Variants in CCSER1 observed in about 807,000 individuals in gnomAD.
CCSER1 encodes coiled-coil serine rich protein 1, also known as serine-rich coiled-coil domain-containing protein 1.
In CCSER1, 41 loss-of-function variants were observed where a neutral mutation model predicts 82.0. The observed-to-expected ratio is 0.50, with a 90% CI of 0.39 to 0.65. The LOEUF (loss-of-function observed/expected upper bound fraction) is 0.65. Among genes scored for constraint, CCSER1 ranks in the 30% least tolerant of loss-of-function variants. CCSER1 has a pLI of 0.00. For missense variants in CCSER1, 1,119 were observed against 1,064.2 expected, an observed-to-expected ratio of 1.05 and a Z score of -0.72; for synonymous variants, 414 against 383.9, an observed-to-expected ratio of 1.08 and a Z score of -0.92.
intron 10 of CCSER1, among the ~76,000 whole-genome samples, chr4:91,514,490 T>C (rs1211826086): frequency 6.6e-6 from 1 of 152,198 alleles, no homozygotes; most frequent in Non-Finnish European, 1.5e-5. Flanking sequence ...CATATTTAAG[T>C]GCATAATTTC....
intron 9 of CCSER1, among the ~76,000 whole-genome samples, chr4:91,070,901 A>G (rs1413140544): frequency 1.3e-5 from 2 of 152,046 alleles, no homozygotes; most frequent in Non-Finnish European, 2.9e-5. Flanking sequence ...ATGATGGCAC[A>G]CTCTCTGTGG....
At chr4:90,184,407 T>A (rs1197572946) in intron 1 of CCSER1, among the ~76,000 whole-genome samples, 5 of 152,070 alleles carry the variant, frequency 3.3e-5, no homozygotes, top group Non-Finnish European at 7.4e-5. Flanking sequence ...TCTGACTGAC[T>A]TCTTAAAATT....
intron 10 of CCSER1, among the ~76,000 whole-genome samples, chr4:91,311,572 A>C (rs1745480368): frequency 6.6e-6 from 1 of 151,936 alleles, no homozygotes; most frequent in Non-Finnish European, 1.5e-5. Context: ...TGGTGGAAGT[A>C]AATGTAACCT....
chr4:91,019,298 T>C (rs1000748381), intron 9 of CCSER1, among the ~76,000 whole-genome samples: 1 of 152,032 alleles, frequency 6.6e-6, no homozygotes, highest in Non-Finnish European at 1.5e-5. Flanking sequence ...CACACTGGGC[T>C]ACTTTCAAAT....
At chr4:91,096,081 T>A (rs1021279321) in intron 10 of CCSER1, among the ~76,000 whole-genome samples, 2 of 152,202 alleles carry the variant, frequency 1.3e-5, no homozygotes, top group Admixed American at 1.3e-4. Context: ...ATTTTTCCAG[T>A]TGAGGAGGTC....
chr4:90,154,320 C>T (rs900860384), intron 1 of CCSER1, among the ~76,000 whole-genome samples: 2 of 152,166 alleles, frequency 1.3e-5, no homozygotes, highest in Non-Finnish European at 2.9e-5. Flanking sequence ...CGTGACGCCT[C>T]CAGCTTTGTT....
At chr4:90,263,910 G>A (rs968256744) in intron 1 of CCSER1, among the ~76,000 whole-genome samples, 1 of 152,166 alleles carries the variant, frequency 6.6e-6, no homozygotes, top group Non-Finnish European at 1.5e-5. Context: ...TGGCCTGAGA[G>A]CCACCGCCAA....
chr4:90,168,404 A>T (rs1428961458), intron 1 of CCSER1, among the ~76,000 whole-genome samples: 1 of 151,494 alleles, frequency 6.6e-6, no homozygotes, highest in East Asian at 1.9e-4. Flanking sequence ...GATTGAAAAA[A>T]TTTTCTCCCA....
At chr4:90,873,116 C>G (rs1766772258) in intron 8 of CCSER1, among the ~76,000 whole-genome samples, 1 of 151,970 alleles carries the variant, frequency 6.6e-6, no homozygotes, top group Admixed American at 6.6e-5. Flanking sequence ...TGATATCTTT[C>G]TTACATTTCA....
chr4:91,410,472 A>G (rs560386075), intron 10 of CCSER1, among the ~76,000 whole-genome samples: 1 of 152,300 alleles, frequency 6.6e-6, no homozygotes, highest in Non-Finnish European at 1.5e-5. Context: ...GAACTTCATG[A>G]AAGATGTACT....
At chr4:90,577,995 C>T (rs976601759) in intron 5 of CCSER1, among the ~76,000 whole-genome samples, 2 of 152,026 alleles carry the variant, frequency 1.3e-5, no homozygotes, top group Non-Finnish European at 2.9e-5. Context: ...TTGGGAAGTA[C>T]TGTGATACAG....
chr4:90,410,004 T>A (rs1754424306), intron 4 of CCSER1, among the ~76,000 whole-genome samples: 2 of 152,160 alleles, frequency 1.3e-5, no homozygotes, highest in Middle Eastern at 3.4e-3. Flanking sequence ...AAACAGACTT[T>A]AAACCAACAA....
At chr4:91,528,240 TA>T (rs1376257026) in intron 10 of CCSER1, among the ~76,000 whole-genome samples, 1 of 152,190 alleles carries the variant, frequency 6.6e-6, no homozygotes, top group Non-Finnish European at 1.5e-5. Flanking sequence ...ATATATTTGC[TA>T]TATTTTCATA....
intron 10 of CCSER1, among the ~76,000 whole-genome samples, chr4:91,346,212 T>C (rs1421299041): frequency 6.6e-6 from 1 of 152,078 alleles, no homozygotes; most frequent in Admixed American, 6.6e-5. Context: ...AGACAGGGTT[T>C]CACCATGTTG....
chr4:91,199,317 C>T (rs775876283), intron 10 of CCSER1, among the ~76,000 whole-genome samples: 2 of 152,006 alleles, frequency 1.3e-5, no homozygotes, highest in Non-Finnish European at 2.9e-5. Context: ...AAAGAAATGT[C>T]CGTTGCAAAC....
chr4:90,860,675 G>A (rs1236461084), intron 8 of CCSER1, among the ~76,000 whole-genome samples: 4 of 151,546 alleles, frequency 2.6e-5, no homozygotes, highest in South Asian at 2.1e-4. Context: ...ATATTCATAC[G>A]GTAAAACATT....
chr4:90,328,046 A>G (rs1284555162), intron 3 of CCSER1, among the ~76,000 whole-genome samples: 1 of 152,102 alleles, frequency 6.6e-6, no homozygotes, highest in Non-Finnish European at 1.5e-5. Context: ...TATTTCTGCC[A>G]TTTGATCCTT....
chr4:90,926,613 A>G (rs1729094064), intron 9 of CCSER1, among the ~76,000 whole-genome samples: 1 of 152,056 alleles, frequency 6.6e-6, no homozygotes, highest in Non-Finnish European at 1.5e-5. Flanking sequence ...ACATGAAACT[A>G]ATGTTAGTTT....
intron 9 of CCSER1, among the ~76,000 whole-genome samples, chr4:90,955,101 G>A (rs545212584): frequency 5.3e-5 from 8 of 152,190 alleles, no homozygotes; most frequent in South Asian, 2.1e-4. Context: ...GAACGTGTTC[G>A]TGTTCTATGT....
Sources: gnomAD v4.1 joint callset for allele counts (sites outside exome capture counted in the v4.1 genomes callset) on GRCh38, gnomAD v4.1.1 for gene constraint, MANE v1.5 for transcripts, NCBI Gene and HGNC (gene_info 2026-07-23, HGNC 2026-07-21) for gene names.